Variants in TNFSF11 observed in about 807,000 individuals in gnomAD.
TNFSF11 encodes tumor necrosis factor ligand superfamily member 11.
Under a neutral mutation model 32.2 loss-of-function variants are expected in TNFSF11, and 12 were observed. The observed-to-expected ratio is 0.37, with a 90% CI of 0.24 to 0.60. TNFSF11 has a LOEUF of 0.60. Among genes scored for constraint, TNFSF11 ranks in the 20% least tolerant of loss-of-function variants. TNFSF11 has a pLI of 0.66. For synonymous variants in TNFSF11, 172 were observed against 152.1 expected (o/e 1.13, Z -0.96); for missense variants, 345 against 398.0 (o/e 0.87, Z 1.13).
chr13:42,601,099 C>A, intron 4 of TNFSF11, 118 bp downstream of exon 4: 1 of 1,113,414 alleles, frequency 9.0e-7, no homozygotes, highest in Non-Finnish European at 1.3e-6. Flanking sequence ...TACTTCAAAG[C>A]CAAAGGAAAG....
chr13:42,589,596 G>A (rs1594470274), intron 2 of TNFSF11, among the ~76,000 whole-genome samples: 2 of 152,310 alleles, frequency 1.3e-5, no homozygotes, highest in Non-Finnish European at 1.5e-5. Context: ...TGCCTCTTCA[G>A]GCTTGTTACC....
At chr13:42,585,124 T>C (rs1004633244) in intron 2 of TNFSF11, among the ~76,000 whole-genome samples, 15 of 152,364 alleles carry the variant, frequency 9.8e-5, no homozygotes, top group African/African-American at 3.6e-4. Flanking sequence ...TGTTATCCTT[T>C]GATGAGGATT....
At chr13:42,567,903 A>G (rs1209355161) in intron 2 of TNFSF11, among the ~76,000 whole-genome samples, 5 of 152,204 alleles carry the variant, frequency 3.3e-5, no homozygotes, top group African/African-American at 9.7e-5. Flanking sequence ...CTTTGAGATA[A>G]GTGATGTTGA....
At chr13:42,574,123 T>G, upstream of TNFSF11, 7 of 733,104 alleles carry the variant, frequency 9.5e-6, no homozygotes, top group African/African-American at 1.8e-5. Context: ...TCCAAGCGGT[T>G]TATAAGAGTT....
At chr13:42,574,093 GGCTCCCGAGGCCAGGGCTCTCCAA>G, upstream of TNFSF11, 1 of 597,800 alleles carries the variant, frequency 1.7e-6, no homozygotes, top group African/African-American at 2.0e-5. Flanking sequence ...GGGGCTGATT[GGCTCCCGAGGCCAGGGCTCTCCAA>G]GCGGTTTATA....
intron 2 of TNFSF11, among the ~76,000 whole-genome samples, chr13:42,591,325 C>A (rs1033576017): frequency 2.6e-5 from 4 of 151,814 alleles, no homozygotes; most frequent in Non-Finnish European, 4.4e-5. Context: ...GGGTCTATAC[C>A]CTACCTACCT....
chr13:42,576,615 G>A (rs975582419), intron 1 of TNFSF11, among the ~76,000 whole-genome samples: 2 of 152,048 alleles, frequency 1.3e-5, no homozygotes, highest in Admixed American at 1.3e-4. Flanking sequence ...ACCCAATTTT[G>A]TATTGCATTT....
At chr13:42,602,662 A>C (rs1443114330) in intron 4 of TNFSF11, among the ~76,000 whole-genome samples, 1 of 152,232 alleles carries the variant, frequency 6.6e-6, no homozygotes, top group African/African-American at 2.4e-5. Flanking sequence ...ACTGTTTTGC[A>C]TGTTAGCAAA....
chr13:42,572,998 G>A (rs972148985), upstream of TNFSF11, among the ~76,000 whole-genome samples: 11 of 152,150 alleles, frequency 7.2e-5, no homozygotes, highest in Non-Finnish European at 1.3e-4. Context: ...TCATGGCATA[G>A]TATTTGCATT....
At chr13:42,597,340 C>CTTTTTTT (rs774612741) in intron 2 of TNFSF11, among the ~76,000 whole-genome samples, 1 of 125,752 alleles carries the variant, frequency 8.0e-6, no homozygotes. Context: ...GCCTTTTGTT[C>CTTTTTTT]TTTTTTTTTT....
At chr13:42,576,399 T>C (rs1042717865) in intron 1 of TNFSF11, among the ~76,000 whole-genome samples, 1 of 152,126 alleles carries the variant, frequency 6.6e-6, no homozygotes, top group Non-Finnish European at 1.5e-5. Context: ...TGATCTCCCA[T>C]CATCCTTTAG....
intron 1 of TNFSF11, among the ~76,000 whole-genome samples, chr13:42,575,471 CTG>C (rs1182035806): frequency 2.0e-5 from 3 of 152,068 alleles, no homozygotes; most frequent in Non-Finnish European, 2.9e-5. Context: ...GGGGGGCTGA[CTG>C]TGCATTTTTT....
intron 1 of TNFSF11, among the ~76,000 whole-genome samples, chr13:42,577,788 G>C (rs1594460722): frequency 6.6e-6 from 1 of 152,134 alleles, no homozygotes; most frequent in Admixed American, 6.5e-5. Context: ...TAGCACAAAC[G>C]TCAAGCATCC....
Position 42,574,437 on chromosome 13 carries a change from C to T in TNFSF11, c.134C>T (p.Ser45Phe). Residue 45 changes from serine (S) to phenylalanine (F), a missense_variant, in exon 1 of 5, where the codon TCC becomes TTC. Ser to Phe is a radical substitution (Grantham distance 155). Transcript: ENST00000398795. Reference sequence around the variant, plus strand: ...GCGCCGCACCAGCCCCCTGCCGCCTCCCGCTCCATGTTCGTGGCCCTCCTG... The same window carrying T: ...GCGCCGCACCAGCCCCCTGCCGCCTTCCGCTCCATGTTCGTGGCCCTCCTG... ...PPAPHQPPAA[S>F]RSMFVALLGL... 2 of 1,605,516 alleles carry T rather than the reference C, an allele frequency of 1.2e-6. No homozygotes were observed. Among genetic ancestry groups the T allele is most frequent in the Non-Finnish European group, 1.7e-6 (2 of 1,178,750 alleles).
intron 1 of TNFSF11, among the ~76,000 whole-genome samples, chr13:42,565,227 TATA>T (rs142658080): frequency 0.49 from 57,655 of 117,570 alleles, 11,211 homozygotes; most frequent in Middle Eastern, 0.51. Context: ...TATATATATA[TATA>T]TTTTTTTCTT....
intron 2 of TNFSF11, among the ~76,000 whole-genome samples, chr13:42,595,083 ATCT>A (rs1868727357): frequency 6.6e-6 from 1 of 152,214 alleles, no homozygotes; most frequent in South Asian, 2.1e-4. Flanking sequence ...AAATATCCTC[ATCT>A]CTATTGTTTT....
At chr13:42,570,846 C>G (rs1406009076), upstream of TNFSF11, among the ~76,000 whole-genome samples, 1 of 152,122 alleles carries the variant, frequency 6.6e-6, no homozygotes, top group Non-Finnish European at 1.5e-5. Flanking sequence ...TTCGCTGACT[C>G]CCCACATTTG....
chr13:42,602,468 G>A (rs1177439346), intron 4 of TNFSF11, among the ~76,000 whole-genome samples: 1 of 152,164 alleles, frequency 6.6e-6, no homozygotes, highest in East Asian at 1.9e-4. Context: ...CTTTGTTACG[G>A]CATGGACAAG....
chr13:42,600,659 G>C, intron 2 of TNFSF11, 93 bp from the exon 3 acceptor site: 3 of 1,341,296 alleles, frequency 2.2e-6, no homozygotes, highest in Non-Finnish European at 3.1e-6. Flanking sequence ...GGAAAAGAGG[G>C]TTAATTTGTT....
Sources: allele counts gnomAD v4.1 joint callset (sites outside exome capture counted in the v4.1 genomes callset), GRCh38; gene constraint gnomAD v4.1.1; transcripts MANE v1.5; gene names NCBI Gene and HGNC (gene_info 2026-07-23, HGNC 2026-07-21).